NXNL2: variants seen among roughly 807,000 people sequenced by gnomAD.
NXNL2 encodes nucleoredoxin like 2.
NXNL2 carries 7 observed loss-of-function variants against 11.1 expected under a neutral mutation model. The ratio of observed to expected loss-of-function variants is 0.63; its 90% confidence interval spans 0.36 to 1.18. NXNL2 has a LOEUF of 1.18. Ranked by LOEUF, NXNL2 falls within the 50% of genes most tolerant of loss-of-function variation. The pLI is 0.02. For synonymous variants in NXNL2, 109 were observed against 101.8 expected, an observed-to-expected ratio of 1.07 and a Z score of -0.42; for missense variants, 233 against 217.7, an observed-to-expected ratio of 1.07 and a Z score of -0.44.
downstream of NXNL2, among the ~76,000 whole-genome samples, chr9:88,577,351 G>T (rs1487826055): frequency 1.3e-5 from 2 of 152,028 alleles, no homozygotes; most frequent in Non-Finnish European, 2.9e-5. Context: ...CCCCGGGCAG[G>T]GGTGAGAACA....
At chr9:88,578,695 G>A (rs770740778), downstream of NXNL2, among the ~76,000 whole-genome samples, 14 of 152,332 alleles carry the variant, frequency 9.2e-5, no homozygotes, top group Non-Finnish European at 1.3e-4. Context: ...AGCAGGCTCC[G>A]ACCTCCGGAA....
intron 1 of NXNL2, among the ~76,000 whole-genome samples, chr9:88,569,075 C>A (rs560560560): frequency 2.1e-4 from 32 of 152,202 alleles, no homozygotes; most frequent in African/African-American, 7.2e-4. Flanking sequence ...TACAGGCATG[C>A]ACCGCCACAC....
At chr9:88,575,780 C>T (rs568666267) in exon 3 of NXNL2, 4 of 152,220 alleles carry the variant, frequency 2.6e-5, no homozygotes, top group Admixed American at 1.3e-4. Flanking sequence ...AAGATAAATG[C>T]TTGAGGGGAT....
intron 1 of NXNL2, among the ~76,000 whole-genome samples, chr9:88,550,630 C>G (rs1220133357): frequency 3.3e-5 from 5 of 152,160 alleles, no homozygotes; most frequent in Admixed American, 3.3e-4. Context: ...ATTGGTTAAG[C>G]TTTGTCTAAA....
At chr9:88,567,090 T>C (rs2118518904) in intron 1 of NXNL2, among the ~76,000 whole-genome samples, 1 of 152,288 alleles carries the variant, frequency 6.6e-6, no homozygotes, top group African/African-American at 2.4e-5. Context: ...ATCTGCCTGG[T>C]TGATAGAACT....
chr9:88,547,568 G>T (rs550413286), downstream of NXNL2, among the ~76,000 whole-genome samples: 1 of 152,298 alleles, frequency 6.6e-6, no homozygotes, highest in African/African-American at 2.4e-5. Flanking sequence ...CAAACACCAT[G>T]GAGGTACCTT....
In NXNL2 at chr9:88,544,774, A is replaced by G. The variant is rs1217445183; in HGVS notation, c.*227A>G. 2 of 1,283,924 alleles carry G rather than the reference A, an allele frequency of 1.6e-6. No homozygotes were observed. The highest frequency in any genetic ancestry group is 9.8e-7 in the Non-Finnish European group (1 of 1,018,408). The allele number at this position is 1,283,924 out of a possible 1,614,324, so 79.5% of individuals were successfully genotyped here. A position where few individuals can be genotyped will look rare whatever the true frequency, so the allele number is the denominator to read the frequency against. ...TATAGTTATTTTTGTTATTCTTTGC[A>G]TACCTTTATCCACCTGTGCTTAAGG... On this transcript the variant is annotated 3_prime_UTR_variant, in exon 2 of 2. Transcript: ENST00000375854.
chr9:88,557,080 CAAAAAAAA>C (rs150400954), intron 1 of NXNL2, among the ~76,000 whole-genome samples: 3 of 55,630 alleles, frequency 5.4e-5, no homozygotes, highest in East Asian at 5.3e-4. Flanking sequence ...GACTCCATCT[CAAAAAAAA>C]AAAAAAAAAA....
chr9:88,536,708 T>G (rs1829628369), intron 1 of NXNL2, among the ~76,000 whole-genome samples: 1 of 152,244 alleles, frequency 6.6e-6, no homozygotes, highest in Non-Finnish European at 1.5e-5. Context: ...GAAAGTTTTG[T>G]AGATGAGTAA....
intron 2 of NXNL2, among the ~76,000 whole-genome samples, chr9:88,573,929 C>A (rs1830311598): frequency 6.6e-6 from 1 of 152,198 alleles, no homozygotes; most frequent in Non-Finnish European, 1.5e-5. Flanking sequence ...GAGATACCAC[C>A]TCCCTGCCAC....
intron 1 of NXNL2, among the ~76,000 whole-genome samples, chr9:88,564,388 T>G (rs563863189): frequency 1.3e-5 from 2 of 152,050 alleles, no homozygotes; most frequent in South Asian, 4.2e-4. Flanking sequence ...ATATGTACAA[T>G]GTATGTACAT....
intron 1 of NXNL2, among the ~76,000 whole-genome samples, chr9:88,538,893 C>T (rs1331756952): frequency 6.8e-6 from 1 of 147,252 alleles, no homozygotes; most frequent in African/African-American, 2.5e-5. Flanking sequence ...ATGAGGAATC[C>T]GAGGTGCAGG....
rs1830240179 is a variant in NXNL2, at chr9:88,570,232, C to T, written c.303-855C>T. ...CTCCCAGGTTCAAGTGATTCTCTTGCCTCAGCCTCCCAAAAAGCTGGGATT... is the reference window on the plus strand; with the variant it reads ...CTCCCAGGTTCAAGTGATTCTCTTGTCTCAGCCTCCCAAAAAGCTGGGATT... On this transcript the variant is annotated intron_variant, in intron 1 of 2. Transcript: ENST00000375855. Among the ~76,000 whole-genome samples the T allele has an allele frequency of 2.0e-5, 3 of 152,210 alleles. No individual in the cohort carries two copies. The South Asian group carries it at 6.2e-4, about 32-fold the overall frequency.
At chr9:88,561,469 A>G (rs372075145) in intron 1 of NXNL2, among the ~76,000 whole-genome samples, 3 of 152,068 alleles carry the variant, frequency 2.0e-5, no homozygotes, top group Non-Finnish European at 4.4e-5. Context: ...CTATCTATCT[A>G]TCTATCTATC....
chr9:88,559,805 G>T (rs964938939), intron 1 of NXNL2, among the ~76,000 whole-genome samples: 1 of 151,912 alleles, frequency 6.6e-6, no homozygotes, highest in African/African-American at 2.4e-5. Context: ...TTTCAGGACC[G>T]GCCGGTGCCC....
chr9:88,550,676 G>T (rs1013804685), intron 1 of NXNL2, among the ~76,000 whole-genome samples: 3 of 152,164 alleles, frequency 2.0e-5, no homozygotes, highest in Non-Finnish European at 4.4e-5. Flanking sequence ...TTGAGCTCTG[G>T]CCTGTGGGTG....
At position 88,535,727 on chromosome 9, in the gene NXNL2, C is replaced by A; in HGVS notation, c.293C>A (p.Pro98His). ...GAWLALPFHD[P>H]YRHELRKRYN... is the part of the protein sequence containing the mutation. Reference sequence around the variant, plus strand: ...TGGCTGGCGCTGCCCTTCCACGACCCCTACCGGCAGTGAGTGGGGGTCCTG... The same window carrying A: ...TGGCTGGCGCTGCCCTTCCACGACCACTACCGGCAGTGAGTGGGGGTCCTG... The change falls in exon 1 of 2, where the codon CCC (proline) becomes CAC (histidine). Residue 98 changes from proline to histidine, a missense_variant. Pro to His is a moderately conservative substitution (Grantham distance 77, BLOSUM62 -2). Coordinates refer to ENST00000375854, the MANE Select transcript of NXNL2 (RefSeq NM_001161625.2). The A allele has an allele frequency of 6.3e-7, 1 of 1,576,046 alleles. No homozygotes were observed.
chr9:88,583,230 C>T (rs1033754932), intron 1 of NXNL2, among the ~76,000 whole-genome samples: 5 of 152,236 alleles, frequency 3.3e-5, no homozygotes, highest in African/African-American at 1.2e-4. Context: ...TTTGTTACCG[C>T]TGCACTGCAA....
intron 1 of NXNL2, among the ~76,000 whole-genome samples, chr9:88,537,169 C>T (rs1829642781): frequency 6.6e-6 from 1 of 152,180 alleles, no homozygotes; most frequent in South Asian, 2.1e-4. Flanking sequence ...CATATGAGCT[C>T]ATGTGTCCGC....
Sources: gnomAD v4.1 joint callset for allele counts (sites outside exome capture counted in the v4.1 genomes callset) on GRCh38, gnomAD v4.1.1 for gene constraint, MANE v1.5 for transcripts, NCBI Gene and HGNC (gene_info 2026-07-23, HGNC 2026-07-21) for gene names.